The following ENG variants were observed in gnomAD, a reference collection of about 807,000 sequenced individuals.
ENG encodes endoglin.
In ENG, 17 loss-of-function variants were observed where a neutral mutation model predicts 71.0. The ratio of observed to expected loss-of-function variants is 0.24; its 90% CI spans 0.16 to 0.36. The LOEUF (loss-of-function observed/expected upper bound fraction) is 0.36. Ranked by LOEUF, ENG falls within the 10% of genes least tolerant of loss-of-function variation. The pLI is 1.00. For missense variants in ENG, 749 were observed against 868.3 expected (o/e 0.86, Z 1.73); for synonymous variants, 360 against 366.9 (o/e 0.98, Z 0.21).
chr9:127,825,357 C>A lies in ENG; in HGVS notation c.690G>T (p.Gly230=). The A allele has an allele frequency of 6.2e-7, 1 of 1,609,440 alleles. No homozygotes were observed. The highest frequency in any genetic ancestry group is 8.5e-7 in the Non-Finnish European group (1 of 1,179,544). ...CCACCTTCACCGTCACCGTCCGGGG[C>A]CTGCGGGGAGACAGACGCGGATGGA... is the stretch of plus-strand genomic sequence containing the variant. ...ILRVLPGHSA[G]PRTVTVKVEL... is the part of the protein sequence containing the mutation. The change falls in exon 6 of 15, where the codon GGG becomes GGT. Residue 230 remains glycine (G), a splice_region_variant and synonymous_variant. Coordinates refer to ENST00000373203, the MANE Select transcript of ENG (RefSeq NM_001114753.3).
At chr9:127,817,920 C>G (rs1830369246) in intron 12 of ENG, 200 bp downstream of exon 12, 9 of 716,652 alleles carry the variant, frequency 1.3e-5, no homozygotes, top group Non-Finnish European at 2.0e-5. Context: ...TGCCAGTGCC[C>G]CAGACACAGC....
intron 14 of ENG, 45 bp downstream of exon 14, chr9:127,815,898 A>G (rs750181050): frequency 1.9e-6 from 3 of 1,573,240 alleles, no homozygotes; most frequent in Non-Finnish European, 8.6e-7. Context: ...CCCCGGGTGG[A>G]TGGAGGGGCC....
chr9:127,818,701 A>G lies in ENG; in HGVS notation c.1428+15T>C, dbSNP rs1316417969. The stretch of plus-strand genomic sequence containing the variant: ...GGAGCTGGGAGGCCCGAGGGGTGAC[A>G]GGCATGCCAGGTACCTGCACAAAGC... On this transcript the variant is annotated intron_variant, in intron 11 of 14. Coordinates refer to ENST00000373203, the MANE Select transcript of ENG (RefSeq NM_001114753.3). 1 of 1,612,552 alleles carries G rather than the reference A, an allele frequency of 6.2e-7. No homozygotes were observed. Among genetic ancestry groups the G allele is most frequent in the African/African-American group, 1.3e-5 (1 of 75,008 alleles).
chr9:127,816,891 G>A lies in ENG; in HGVS notation c.1741+258C>T, dbSNP rs1329179614. On this transcript the variant is annotated intron_variant, in intron 13 of 14. Coordinates refer to ENST00000373203, the MANE Select transcript of ENG (RefSeq NM_001114753.3). ...AACTGTGGGGATGGAGTGGAGCCGT[G>A]AGTGGGGGCAGAGGCCTAGACTCCC... 3 of 572,418 alleles carry A rather than the reference G, an allele frequency of 5.2e-6. No individual in the cohort carries two copies. The African/African-American group carries it at 5.6e-5, about 11-fold the overall frequency. 35.5% of individuals were successfully genotyped at this position (572,418 alleles called of 1,614,324 possible).
intron 11 of ENG, 25 bp downstream of exon 11, chr9:127,818,691 G>C: frequency 6.2e-7 from 1 of 1,609,998 alleles, no homozygotes; most frequent in Non-Finnish European, 8.5e-7. Context: ...TGGGAGGCCC[G>C]AGGGGTGACA....
chr9:127,853,301 C>T (rs1829076930), intron 1 of ENG, among the ~76,000 whole-genome samples: 1 of 152,116 alleles, frequency 6.6e-6, no homozygotes, highest in Non-Finnish European at 1.5e-5. Context: ...TGTTTTCCTT[C>T]CCCTTCCTCC....
At chr9:127,819,577 G>A in intron 10 of ENG, 45 bp downstream of exon 10, 1 of 1,611,666 alleles carries the variant, frequency 6.2e-7, no homozygotes, top group Non-Finnish European at 8.5e-7. Flanking sequence ...CGGCCCAGCA[G>A]CAGCCCCTGG....
intron 8 of ENG, among the ~76,000 whole-genome samples, chr9:127,823,086 C>T (rs1354934429): frequency 6.6e-6 from 1 of 152,024 alleles, no homozygotes. Context: ...GGCAATCTGC[C>T]TGCCTCGGCC....
rs187421162 is a variant in ENG at position 127,826,790 on chromosome 9, G to C, written c.361-118C>G. On this transcript the variant is annotated intron_variant, in intron 3 of 14. Coordinates refer to ENST00000373203, the MANE Select transcript of ENG (RefSeq NM_001114753.3). ...CCCATTGGCTGAGAGAAAGAGGCCG[G>C]AGCTGAGAATGCTGGCTGGTGGATC... 130 of 1,355,996 alleles carry C rather than the reference G, an allele frequency of 9.6e-5. No individual in the cohort carries two copies. The African/African-American group carries it at 1.7e-3, about 18-fold the overall frequency. The allele number at this position is 1,355,996 out of a possible 1,614,324, so 84.0% of individuals were successfully genotyped here.
chr9:127,834,633 G>T (rs1303846074), intron 2 of ENG, among the ~76,000 whole-genome samples: 3 of 151,920 alleles, frequency 2.0e-5, no homozygotes, highest in African/African-American at 7.3e-5. Flanking sequence ...TCGAACTCCT[G>T]ACCTCATGAT....
At chr9:127,818,016 T>C in intron 12 of ENG, 104 bp downstream of exon 12, 2 of 1,582,458 alleles carry the variant, frequency 1.3e-6, no homozygotes, top group East Asian at 2.2e-5. Context: ...GCTCCGCCCC[T>C]CACCAGCTGG....
chr9:127,843,066 C>G (rs1021879049), intron 2 of ENG, 28 bp downstream of exon 2: 1 of 1,613,502 alleles, frequency 6.2e-7, no homozygotes, highest in Non-Finnish European at 8.5e-7. Context: ...CTCTGAGCCC[C>G]CACCCGACCC....
intron 1 of ENG, among the ~76,000 whole-genome samples, chr9:127,843,903 C>T (rs1831111746): frequency 6.9e-6 from 1 of 145,124 alleles, no homozygotes; most frequent in Admixed American, 6.9e-5. Flanking sequence ...TCCCAAGTAG[C>T]TGGGATTATA....
Position 127,819,677 on chromosome 9 carries a change from A to G in ENG, c.1273-17T>C. 6.2e-7 allele frequency: 1 copy of G among 1,604,746 alleles called. No individual in the cohort carries two copies. Among genetic ancestry groups the G allele is most frequent in the South Asian group, 1.1e-5 (1 of 89,648 alleles). On this transcript the variant is annotated splice_polypyrimidine_tract_variant and intron_variant, in intron 9 of 14. Coordinates refer to ENST00000373203, the MANE Select transcript of ENG (RefSeq NM_001114753.3). ...GACCACCGCCTGCGGGGATAAAGCC[A>G]GGGAGCTGGTCAGAGCCAGAAAGGA... is the stretch of plus-strand genomic sequence containing the variant.
At chr9:127,839,995 A>G (rs1163989634) in intron 2 of ENG, among the ~76,000 whole-genome samples, 1 of 152,220 alleles carries the variant, frequency 6.6e-6, no homozygotes, top group Non-Finnish European at 1.5e-5. Context: ...AATAATAATA[A>G]CAATAACCGT....
intron 3 of ENG, 90 bp from the exon 4 acceptor site, chr9:127,826,762 C>A (rs1372006490): frequency 1.0e-5 from 16 of 1,533,470 alleles, no homozygotes; most frequent in African/African-American, 1.4e-5. Context: ...TTTGTGGAGT[C>A]AGCCCATTGG....
At chr9:127,817,839 TGGATGGATGGACGGACGGGTAAGTGAAA>T in intron 12 of ENG, 3 of 550,608 alleles carry the variant, frequency 5.4e-6, no homozygotes, top group East Asian at 3.1e-5. Flanking sequence ...GGAGGGTGGA[TGGATGGATGGACGGACGGGTAAGTGAAA>T]GGATGGATGG....
intron 8 of ENG, among the ~76,000 whole-genome samples, chr9:127,823,157 T>C (rs933695013): frequency 2.0e-5 from 3 of 151,370 alleles, no homozygotes; most frequent in African/African-American, 7.3e-5. Flanking sequence ...GTTCTTTCAT[T>C]TTATTTTGAG....
intron 1 of ENG, among the ~76,000 whole-genome samples, chr9:127,851,494 G>T (rs531120742): frequency 1.3e-5 from 2 of 152,114 alleles, no homozygotes; most frequent in Admixed American, 1.3e-4. Flanking sequence ...AAAGTGCTGG[G>T]ATTAGAGGCG....
Sources: allele counts gnomAD v4.1 joint callset (sites outside exome capture counted in the v4.1 genomes callset), GRCh38; gene constraint gnomAD v4.1.1; transcripts MANE v1.5; gene names NCBI Gene and HGNC (gene_info 2026-07-23, HGNC 2026-07-21).